PDPK1: variants seen among roughly 807,000 people sequenced by gnomAD.
PDPK1 encodes 3-phosphoinositide-dependent protein kinase 1.
PDPK1 carries 7 observed loss-of-function variants against 39.8 expected under a neutral mutation model. That is an observed-to-expected ratio of 0.18 (90% CI 0.10 to 0.33). PDPK1 has a LOEUF of 0.33. Among genes scored for constraint, PDPK1 ranks in the 10% least tolerant of loss-of-function variants. The pLI, the probability that PDPK1 is intolerant of heterozygous loss-of-function variation, is 1.00. For synonymous variants in PDPK1, 118 were observed against 159.1 expected (o/e 0.74, Z 1.95); for missense variants, 182 against 384.7 (o/e 0.47, Z 4.41).
intron 11 of PDPK1, among the ~76,000 whole-genome samples, chr16:2,592,206 G>A (rs1046908179): frequency 5.9e-5 from 9 of 152,180 alleles, no homozygotes; most frequent in Admixed American, 2.0e-4. Flanking sequence ...AAGAACCTGC[G>A]CTTTGGCATC....
chr16:2,545,305 A>G (rs1443138706), intron 1 of PDPK1, among the ~76,000 whole-genome samples: 1 of 151,402 alleles, frequency 6.6e-6, no homozygotes, highest in Non-Finnish European at 1.5e-5. Flanking sequence ...TCCTCCTCAA[A>G]GCTCTTTCTT....
At chr16:2,545,339 T>C (rs2066322573) in intron 1 of PDPK1, among the ~76,000 whole-genome samples, 1 of 151,710 alleles carries the variant, frequency 6.6e-6, no homozygotes, top group African/African-American at 2.4e-5. Context: ...TCTCTCTCTT[T>C]TTTTTTTTTA....
At chr16:2,590,028 G>A (rs1034558544) in intron 11 of PDPK1, among the ~76,000 whole-genome samples, 1 of 152,232 alleles carries the variant, frequency 6.6e-6, no homozygotes, top group Non-Finnish European at 1.5e-5. Context: ...TGACATGTCT[G>A]CTGCTGAGTT....
intron 1 of PDPK1, among the ~76,000 whole-genome samples, chr16:2,540,300 G>C (rs1241551800): frequency 2.0e-5 from 3 of 152,248 alleles, no homozygotes; most frequent in Non-Finnish European, 2.9e-5. Context: ...CCAGTCTGAT[G>C]CTAAGTGGGC....
intron 1 of PDPK1, among the ~76,000 whole-genome samples, chr16:2,547,237 G>A (rs1212139324): frequency 1.4e-5 from 2 of 147,382 alleles, no homozygotes; most frequent in Non-Finnish European, 2.9e-5. Flanking sequence ...ACCTCATCAG[G>A]GGGTCCTTCC....
chr16:2,593,444 G>T lies in PDPK1; in HGVS notation c.1344-2349G>T, dbSNP rs1432593687. ...CTCTTTCCGTGGCTCCCACAGCTCA[G>T]TGCTGGGCTGCTGTTCTCGCTCTCA... On this transcript the variant is annotated intron_variant, in intron 11 of 13. Transcript: ENST00000342085. The surrounding 1 kb of genome is among the most constrained non-coding windows in gnomAD (Gnocchi z 4.2). The T allele has an allele frequency of 3.7e-6, 1 of 272,252 alleles. No homozygotes were observed. The highest frequency in any genetic ancestry group is 2.3e-5 in the African/African-American group (1 of 43,270). 16.9% of individuals were successfully genotyped at this position (272,252 alleles called of 1,614,324 possible).
chr16:2,599,974 G>A lies in PDPK1; in HGVS notation c.*2207G>A, dbSNP rs1267433480. On this transcript the variant is annotated 3_prime_UTR_variant, in exon 14 of 14. Transcript: ENST00000342085. Reference sequence around the variant, plus strand: ...AACTAGGGGCTCAGAGCCAGAGCTGGCAGCCGCCAGCCAAAATGATGCCAT... The same window carrying A: ...AACTAGGGGCTCAGAGCCAGAGCTGACAGCCGCCAGCCAAAATGATGCCAT... 4.3e-6 allele frequency: 1 copy of A among 233,280 alleles called. No individual in the cohort carries two copies. Among genetic ancestry groups the A allele is most frequent in the Non-Finnish European group, 8.5e-6 (1 of 118,084 alleles). 14.5% of individuals were successfully genotyped at this position (233,280 alleles called of 1,614,324 possible).
intron 12 of PDPK1, among the ~76,000 whole-genome samples, chr16:2,596,835 G>A (rs1431414927): frequency 1.3e-5 from 2 of 152,140 alleles, no homozygotes; most frequent in Admixed American, 6.5e-5. Context: ...GCCGGCTACC[G>A]AGAGCAGGCT....
At chr16:2,551,668 T>TG (rs1280308379) in intron 1 of PDPK1, among the ~76,000 whole-genome samples, 2 of 150,080 alleles carry the variant, frequency 1.3e-5, no homozygotes, top group African/African-American at 5.0e-5. Flanking sequence ...TCTTTTTTTT[T>TG]TTTTTTTTTT....
intron 1 of PDPK1, among the ~76,000 whole-genome samples, chr16:2,551,945 C>G (rs1256611973): frequency 6.6e-6 from 1 of 151,294 alleles, no homozygotes; most frequent in Non-Finnish European, 1.5e-5. Context: ...GGATTATAGG[C>G]ATGAGCCACT....
intron 6 of PDPK1, chr16:2,576,830 G>T: frequency 5.1e-6 from 1 of 194,868 alleles, no homozygotes; most frequent in Non-Finnish European, 1.0e-5. Flanking sequence ...GCAGAGGCTG[G>T]GAGGTTCTCT....
chr16:2,587,642 G>T (rs538292630), intron 11 of PDPK1, among the ~76,000 whole-genome samples: 1 of 152,190 alleles, frequency 6.6e-6, no homozygotes, highest in Admixed American at 6.5e-5. Flanking sequence ...TCAAGTAGCC[G>T]GAATTACAGG....
intron 12 of PDPK1, among the ~76,000 whole-genome samples, 195 bp from the exon 13 acceptor site, chr16:2,596,928 C>G (rs935789057): frequency 2.0e-5 from 3 of 152,150 alleles, no homozygotes; most frequent in Admixed American, 6.5e-5. Flanking sequence ...GCAGCAGAGG[C>G]CTGTGCTGCA....
chr16:2,551,755 C>T (rs1031173896), intron 1 of PDPK1, among the ~76,000 whole-genome samples: 1 of 150,828 alleles, frequency 6.6e-6, no homozygotes, highest in Non-Finnish European at 1.5e-5. Flanking sequence ...CAACCTCCGC[C>T]TCCTGGGTTC....
intron 1 of PDPK1, among the ~76,000 whole-genome samples, chr16:2,545,341 T>C (rs1326817259): frequency 4.6e-5 from 7 of 152,088 alleles, no homozygotes; most frequent in Admixed American, 2.0e-4. Flanking sequence ...TCTCTCTTTT[T>C]TTTTTTTAGA....
At chr16:2,546,837 G>A (rs57541680) in intron 1 of PDPK1, among the ~76,000 whole-genome samples, 1 of 143,478 alleles carries the variant, frequency 7.0e-6, no homozygotes, top group African/African-American at 2.5e-5. Flanking sequence ...AGCTATATCC[G>A]CAGGATGGTT....
chr16:2,539,916 C>T (rs1186257257), intron 1 of PDPK1, among the ~76,000 whole-genome samples: 1 of 152,220 alleles, frequency 6.6e-6, no homozygotes, highest in African/African-American at 2.4e-5. Context: ...CTGCAGTTTT[C>T]TTCGCATGAG....
In PDPK1 at chr16:2,597,634, G is replaced by C. The variant is rs1205474996; in HGVS notation, c.1555-17G>C. The C allele has an allele frequency of 2.5e-6, 4 of 1,574,644 alleles. No homozygotes were observed. Among genetic ancestry groups the C allele is most frequent in the Non-Finnish European group, 3.5e-6 (4 of 1,144,316 alleles). On this transcript the variant is annotated splice_polypyrimidine_tract_variant and intron_variant, in intron 13 of 13. Transcript: ENST00000342085. This position sits in a 1 kb window ranked among gnomAD's most constrained non-coding sequence, Gnocchi z 6.3. ...TGGGACTCCCTGGAGAACACTAAAC[G>C]GCTTCTGTCTTCGCAGCCTAACAGG...
At chr16:2,587,367 G>C (rs146470874) in intron 11 of PDPK1, among the ~76,000 whole-genome samples, 1 of 152,200 alleles carries the variant, frequency 6.6e-6, no homozygotes, top group South Asian at 2.1e-4. Flanking sequence ...GCTCTTGCCT[G>C]CCTGAGAGTG....
Sources: allele counts gnomAD v4.1 joint callset (sites outside exome capture counted in the v4.1 genomes callset), GRCh38; gene constraint gnomAD v4.1.1; non-coding constraint Gnocchi (gnomAD v3.1); transcripts MANE v1.5; gene names NCBI Gene and HGNC (gene_info 2026-07-23, HGNC 2026-07-21).